The following RERG variants were observed in gnomAD, a reference collection of about 807,000 sequenced individuals.
RERG encodes the protein RAS like estrogen regulated growth inhibitor.
A neutral mutation model predicts 23.2 loss-of-function variants in RERG; 25 were observed. The observed-to-expected ratio is 1.08, with a 90% CI of 0.79 to 1.50. The LOEUF is 1.50. Ranked by LOEUF, RERG falls within the 40% of genes most tolerant of loss-of-function variation. The pLI is 0.00. For synonymous variants in RERG, 81 were observed against 89.1 expected (o/e 0.91, Z 0.51); for missense variants, 253 against 250.1 (o/e 1.01, Z -0.08).
intron 2 of RERG, among the ~76,000 whole-genome samples, chr12:15,152,600 C>A (rs749355858): frequency 2.0e-5 from 3 of 152,110 alleles, no homozygotes; most frequent in Non-Finnish European, 4.4e-5. Context: ...TGTAGCAGTG[C>A]CCTAAGAAGG....
chr12:15,122,234 A>G (rs1308538930), intron 2 of RERG, among the ~76,000 whole-genome samples: 2 of 152,162 alleles, frequency 1.3e-5, no homozygotes, highest in Non-Finnish European at 2.9e-5. Flanking sequence ...ACAGTTTTAA[A>G]ATACCCATTA....
At chr12:15,113,972 A>G (rs1281927516) in intron 3 of RERG, among the ~76,000 whole-genome samples, 3 of 152,058 alleles carry the variant, frequency 2.0e-5, no homozygotes, top group African/African-American at 7.2e-5. Context: ...ATAGACTCAT[A>G]TTTATATAGG....
chr12:15,123,764 T>G (rs1380471789), intron 2 of RERG, among the ~76,000 whole-genome samples: 1 of 151,996 alleles, frequency 6.6e-6, no homozygotes, highest in African/African-American at 2.4e-5. Context: ...CCAACTATCT[T>G]GAGCAAAGTT....
intron 4 of RERG, among the ~76,000 whole-genome samples, chr12:15,110,064 T>C (rs544825001): frequency 6.6e-6 from 1 of 152,308 alleles, no homozygotes; most frequent in Non-Finnish European, 1.5e-5. Context: ...TCCAACTCTA[T>C]GCTAAAGGAT....
chr12:15,116,899 T>TG (rs1196996299), intron 3 of RERG, among the ~76,000 whole-genome samples: 1 of 151,952 alleles, frequency 6.6e-6, no homozygotes, highest in Non-Finnish European at 1.5e-5. Flanking sequence ...TGGTGAAGGG[T>TG]GGGGGGATGA....
chr12:15,177,839 G>T (rs7310268), intron 2 of RERG, among the ~76,000 whole-genome samples: 11,085 of 112,418 alleles, frequency 0.099, 1,482 homozygotes, highest in African/African-American at 0.31. Context: ...CCCTCTGTTT[G>T]TTTTTTTTTT....
At position 15,201,880 on chromosome 12, in the gene RERG, C is replaced by A. The variant is rs539100967; in HGVS notation, c.61+15549G>T. ...CTAGGGTTCACCAAAGTTAAATAAGCTGATCACTCACACAGTTAATAAGTG... is the reference window on the plus strand; with the variant it reads ...CTAGGGTTCACCAAAGTTAAATAAGATGATCACTCACACAGTTAATAAGTG... On this transcript the variant is annotated intron_variant, in intron 2 of 4. Transcript: ENST00000256953. Among the ~76,000 whole-genome samples the A allele has an allele frequency of 5.3e-5, 8 of 151,586 alleles. No individual in the cohort carries two copies. In the South Asian group the frequency reaches 1.7e-3, roughly 31 times the overall value.
chr12:15,219,682 C>A (rs766407580), intron 1 of RERG, among the ~76,000 whole-genome samples: 2 of 152,152 alleles, frequency 1.3e-5, no homozygotes, highest in Non-Finnish European at 2.9e-5. Context: ...GAGGTGCTGG[C>A]AAGTATTTCT....
At chr12:15,208,272 T>C (rs1865320079) in intron 2 of RERG, among the ~76,000 whole-genome samples, 1 of 152,116 alleles carries the variant, frequency 6.6e-6, no homozygotes, top group African/African-American at 2.4e-5. Flanking sequence ...GTGTATTCTA[T>C]TGGTTGTATT....
intron 1 of RERG, chr12:15,218,160 T>C (rs1049476022): frequency 6.6e-6 from 1 of 152,298 alleles, no homozygotes; most frequent in Non-Finnish European, 1.5e-5. Flanking sequence ...TAGGAATCAA[T>C]ATATAATACA....
intron 2 of RERG, among the ~76,000 whole-genome samples, chr12:15,139,855 T>C (rs1864206280): frequency 1.3e-5 from 2 of 152,276 alleles, no homozygotes; most frequent in Middle Eastern, 3.4e-3. Context: ...AAATGTTGTA[T>C]AGAAGTGGAA....
intron 2 of RERG, among the ~76,000 whole-genome samples, chr12:15,207,566 G>A (rs535581811): frequency 6.6e-6 from 1 of 152,264 alleles, no homozygotes; most frequent in South Asian, 2.1e-4. Context: ...CAGAAGCAAA[G>A]GATCTAGAAG....
chr12:15,126,149 A>C (rs541021575), intron 2 of RERG, among the ~76,000 whole-genome samples: 1 of 141,824 alleles, frequency 7.1e-6, no homozygotes, highest in African/African-American at 2.6e-5. Flanking sequence ...ATATATATAT[A>C]TATGTATTTA....
intron 2 of RERG, among the ~76,000 whole-genome samples, chr12:15,216,892 C>T (rs1028598573): frequency 2.0e-5 from 3 of 152,210 alleles, no homozygotes; most frequent in Non-Finnish European, 2.9e-5. Flanking sequence ...CAGAGGCATT[C>T]GCAATAGCTA....
intron 4 of RERG, 55 bp from the exon 5 acceptor site, chr12:15,109,572 GATGCTGGTA>G (rs1338480495): frequency 2.4e-5 from 34 of 1,401,924 alleles, no homozygotes; most frequent in Middle Eastern, 1.9e-4. Flanking sequence ...AAAATATATG[GATGCTGGTA>G]ATGCTGACAG....
At chr12:15,115,901 G>A (rs1426524971) in intron 3 of RERG, among the ~76,000 whole-genome samples, 1 of 151,890 alleles carries the variant, frequency 6.6e-6, no homozygotes, top group East Asian at 1.9e-4. Context: ...CCATAAGCAC[G>A]GCACATTGCT....
At position 15,190,359 on chromosome 12, in the gene RERG, G is replaced by A. The variant is rs1222028699; in HGVS notation, c.61+27070C>T. Among the ~76,000 whole-genome samples the A allele has an allele frequency of 2.6e-5, 4 of 152,128 alleles. No individual in the cohort carries two copies. In the South Asian group the frequency reaches 8.3e-4, roughly 31 times the overall value. On this transcript the variant is annotated intron_variant, in intron 2 of 4. Transcript: ENST00000256953. ...CTCATAACATTTTAAGAAAGTTTAA[G>A]AATTTGTTTTGGGCTGCATTCAAAG...
At chr12:15,186,611 AAGG>A (rs1027138492) in intron 2 of RERG, among the ~76,000 whole-genome samples, 2 of 152,108 alleles carry the variant, frequency 1.3e-5, no homozygotes, top group African/African-American at 4.8e-5. Context: ...GGAAGTGAAA[AAGG>A]AGGAGGAGAA....
At chr12:15,169,283 C>T (rs1216362152) in intron 2 of RERG, among the ~76,000 whole-genome samples, 2 of 152,140 alleles carry the variant, frequency 1.3e-5, no homozygotes, top group Non-Finnish European at 2.9e-5. Context: ...AGATGTTTAG[C>T]TAAACATTAT....
Sources: allele counts gnomAD v4.1 joint callset (sites outside exome capture counted in the v4.1 genomes callset), GRCh38; gene constraint gnomAD v4.1.1; transcripts MANE v1.5; gene names NCBI Gene and HGNC (gene_info 2026-07-23, HGNC 2026-07-21).